The following KAT6B variants were observed in gnomAD, a reference collection of about 807,000 sequenced individuals.
KAT6B encodes histone acetyltransferase KAT6B.
In KAT6B, 10 loss-of-function variants were observed where a neutral mutation model predicts 187.5. The observed-to-expected ratio is 0.05, with a 90% CI of 0.03 to 0.09. The LOEUF (loss-of-function observed/expected upper bound fraction) is 0.09, where lower values mean the gene tolerates loss of function less well. Ranked by LOEUF, KAT6B falls within the 10% of genes least tolerant of loss-of-function variation. The pLI is 1.00. For synonymous variants in KAT6B, 861 were observed against 926.8 expected, an observed-to-expected ratio of 0.93 and a Z score of 1.29; for missense variants, 1,952 against 2,558.9, an observed-to-expected ratio of 0.76 and a Z score of 5.12.
chr10:74,932,341 A>G (rs1342249782), intron 3 of KAT6B, among the ~76,000 whole-genome samples: 1 of 152,228 alleles, frequency 6.6e-6, no homozygotes, highest in Non-Finnish European at 1.5e-5. Context: ...TGTAGAAACT[A>G]AAACTTAGAG....
At chr10:74,970,215 C>T in intron 6 of KAT6B, 114 bp downstream of exon 6, 1 of 748,238 alleles carries the variant, frequency 1.3e-6, no homozygotes, top group Non-Finnish European at 2.4e-6. Context: ...TCATCCCTCC[C>T]ACCTTCCCTA....
Position 74,977,432 on chromosome 10 carries a change from T to C in KAT6B, c.2110T>C (p.Trp704Arg). 6.2e-7 allele frequency: 1 copy of C among 1,613,820 alleles called. No homozygotes were observed. The highest frequency in any genetic ancestry group is 2.2e-5 in the East Asian group (1 of 44,848). The change falls in exon 9 of 18, where the codon TGG becomes CGG. Residue 704 changes from tryptophan to arginine, a missense_variant. Physicochemically the swap from Trp to Arg is moderately radical, Grantham distance 101 (BLOSUM62 -3). This residue lies in a region of KAT6B where 417 missense variants were observed against 508.9 expected (regional missense o/e 0.82). Transcript: ENST00000287239. ...TTTTAAGCAGGCCCAGGAACTTTCT[T>C]GGGAGGTAAGGCGAGGATCCCACAT... The part of the protein sequence containing the change: ...DVFKQAQELS[W>R]EKIECESGVE...
At chr10:74,890,404 T>C (rs1378744336) in intron 3 of KAT6B, among the ~76,000 whole-genome samples, 1 of 152,104 alleles carries the variant, frequency 6.6e-6, no homozygotes, top group Admixed American at 6.5e-5. Flanking sequence ...TTTGGGAGGC[T>C]GAGGCAGGCA....
chr10:74,924,651 A>G (rs1377876849), intron 3 of KAT6B, among the ~76,000 whole-genome samples: 1 of 152,242 alleles, frequency 6.6e-6, no homozygotes, highest in Non-Finnish European at 1.5e-5. Context: ...AAAAATGTAA[A>G]GGTTACCATC....
At chr10:75,005,155 T>C (rs1332223198) in intron 13 of KAT6B, among the ~76,000 whole-genome samples, 1 of 152,152 alleles carries the variant, frequency 6.6e-6, no homozygotes, top group Non-Finnish European at 1.5e-5. Flanking sequence ...TGAGATAGAA[T>C]ATTCTAAGAT....
intron 13 of KAT6B, among the ~76,000 whole-genome samples, chr10:75,010,947 C>T (rs775525575): frequency 6.6e-6 from 1 of 152,154 alleles, no homozygotes; most frequent in African/African-American, 2.4e-5. Flanking sequence ...ATTTGTTTGG[C>T]GCAGATGCTT....
chr10:74,842,552 G>T, intron 2 of KAT6B, 48 bp from the exon 3 acceptor site: 2 of 571,030 alleles, frequency 3.5e-6, no homozygotes, highest in South Asian at 2.4e-5. Flanking sequence ...TAGTTTATTT[G>T]TGTAAGCTTC....
At chr10:74,987,563 A>T (rs531694286) in intron 12 of KAT6B, among the ~76,000 whole-genome samples, 1 of 152,384 alleles carries the variant, frequency 6.6e-6, no homozygotes, top group African/African-American at 2.4e-5. Flanking sequence ...GGATAGCCAG[A>T]GAAGGGCTGG....
intron 3 of KAT6B, among the ~76,000 whole-genome samples, chr10:74,926,591 TGC>T (rs2133118740): frequency 6.6e-6 from 1 of 152,264 alleles, no homozygotes; most frequent in East Asian, 1.9e-4. Flanking sequence ...CCCATGCCTC[TGC>T]ACATGTTGGG....
intron 3 of KAT6B, among the ~76,000 whole-genome samples, chr10:74,896,404 G>A (rs2132701344): frequency 6.6e-6 from 1 of 152,200 alleles, no homozygotes; most frequent in South Asian, 2.1e-4. Flanking sequence ...CTATTCTCCT[G>A]CCTTAGCCTC....
intron 3 of KAT6B, among the ~76,000 whole-genome samples, chr10:74,845,480 C>T (rs1201090832): frequency 6.9e-6 from 1 of 144,696 alleles, no homozygotes; most frequent in Admixed American, 7.0e-5. Flanking sequence ...TGAGATTGTG[C>T]CACTGCACTC....
In KAT6B at chr10:74,987,468, A is replaced by C. The variant is rs560515607; in HGVS notation, c.2536-1551A>C. On this transcript the variant is annotated intron_variant, in intron 12 of 17. Coordinates refer to ENST00000287239, the MANE Select transcript of KAT6B (RefSeq NM_012330.4). The stretch of plus-strand genomic sequence containing the variant: ...CTAGATGAAACTAAACCATATTCTC[A>C]TGTGTCAGCTGGAATCTAGAGGACT... Among the ~76,000 whole-genome samples the C allele has an allele frequency of 2.6e-5, 4 of 152,106 alleles. No individual in the cohort carries two copies. In the East Asian group the frequency reaches 7.7e-4, roughly 29 times the overall value.
chr10:74,943,502 A>G (rs1849847721), intron 3 of KAT6B, among the ~76,000 whole-genome samples: 1 of 152,208 alleles, frequency 6.6e-6, no homozygotes, highest in Admixed American at 6.5e-5. Context: ...AATAGTTTAA[A>G]AATTTTTTGA....
chr10:74,918,477 C>T (rs1215353792), intron 3 of KAT6B, among the ~76,000 whole-genome samples: 1 of 152,190 alleles, frequency 6.6e-6, no homozygotes, highest in Non-Finnish European at 1.5e-5. Context: ...CACGGTGGCT[C>T]ATGCCTGTAA....
intron 3 of KAT6B, among the ~76,000 whole-genome samples, chr10:74,860,819 A>AGCCTGGG (rs1843125976): frequency 3.3e-5 from 5 of 152,084 alleles, no homozygotes; most frequent in Non-Finnish European, 5.9e-5. Context: ...GAAACATGAC[A>AGCCTGGG]AAACCCCATC....
intron 3 of KAT6B, among the ~76,000 whole-genome samples, chr10:74,912,974 A>G (rs1322418121): frequency 6.6e-6 from 1 of 152,210 alleles, no homozygotes; most frequent in Non-Finnish European, 1.5e-5. Context: ...GTCAATTGCA[A>G]AAAAGTGGAT....
At chr10:74,952,637 A>C (rs1477256656) in intron 3 of KAT6B, among the ~76,000 whole-genome samples, 1 of 151,990 alleles carries the variant, frequency 6.6e-6, no homozygotes, top group Non-Finnish European at 1.5e-5. Context: ...CCTAAACTTC[A>C]CATTTCAGTA....
intron 16 of KAT6B, among the ~76,000 whole-genome samples, chr10:75,024,528 G>C (rs1229901171): frequency 6.6e-6 from 1 of 152,208 alleles, no homozygotes; most frequent in Admixed American, 6.5e-5. Context: ...GCTCCTTCAA[G>C]AGTTCTCAAG....
chr10:74,882,303 T>A (rs1187628394), intron 3 of KAT6B, among the ~76,000 whole-genome samples: 1 of 152,236 alleles, frequency 6.6e-6, no homozygotes, highest in Non-Finnish European at 1.5e-5. Flanking sequence ...ATATTTTATA[T>A]TTTCTTGCAT....
Sources: allele counts gnomAD v4.1 joint callset (sites outside exome capture counted in the v4.1 genomes callset), GRCh38; gene constraint gnomAD v4.1.1; regional missense constraint gnomAD v4.1.1; transcripts MANE v1.5; gene names NCBI Gene and HGNC (gene_info 2026-07-23, HGNC 2026-07-21).